Variants in FCGR2A observed in about 807,000 individuals in gnomAD.
FCGR2A encodes the protein Fc gamma receptor IIa.
FCGR2A carries 18 observed loss-of-function variants against 29.3 expected under a neutral mutation model. The observed-to-expected ratio is 0.62, with a 90% CI of 0.43 to 0.91. FCGR2A has a LOEUF of 0.91. FCGR2A is among the 40% of genes least tolerant of loss of function. The pLI, the probability that FCGR2A is intolerant of heterozygous loss-of-function variation, is 0.00. For synonymous variants in FCGR2A, 126 were observed against 144.8 expected (o/e 0.87, Z 0.93); for missense variants, 287 against 393.0 (o/e 0.73, Z 2.28).
intron 3 of FCGR2A, among the ~76,000 whole-genome samples, chr1:161,507,029 G>A (rs575116530): frequency 1.3e-5 from 2 of 152,336 alleles, no homozygotes; most frequent in South Asian, 2.1e-4. Flanking sequence ...TCTGGAAGAT[G>A]AGGTCAGAGG....
chr1:161,510,677 G>A (rs1557832236), intron 4 of FCGR2A, among the ~76,000 whole-genome samples, 157 bp from the exon 5 acceptor site: 1 of 152,196 alleles, frequency 6.6e-6, no homozygotes, highest in African/African-American at 2.4e-5. Flanking sequence ...CTGGGGATGT[G>A]GTGAATCTTG....
Position 161,506,508 on chromosome 1 carries a change from C to G in FCGR2A, c.281C>G (p.Ala94Gly). Residue 94 changes from alanine to glycine, a missense_variant, in exon 3 of 7, where the codon GCC becomes GGC. This residue lies in a region of FCGR2A where 181 missense variants were observed against 250.9 expected (regional missense o/e 0.72). Coordinates refer to ENST00000271450, the MANE Select transcript of FCGR2A (RefSeq NM_001136219.3). The part of the protein sequence containing the change: ...THTQPSYRFK[A>G]NNNDSGEYTC... Reference sequence around the variant, plus strand: ...ACGCAGCCCAGCTACAGGTTCAAGGCCAACAACAATGACAGCGGGGAGTAC... The same window carrying G: ...ACGCAGCCCAGCTACAGGTTCAAGGGCAACAACAATGACAGCGGGGAGTAC... 6 of 1,614,196 alleles carry G rather than the reference C, an allele frequency of 3.7e-6. No individual in the cohort carries two copies. The highest frequency in any genetic ancestry group is 5.1e-6 in the Non-Finnish European group (6 of 1,180,040).
rs76216087 is a variant in FCGR2A at position 161,517,583 on chromosome 1, G to A, written c.781-392G>A. 1.4e-4 allele frequency among the ~76,000 whole-genome samples: 21 copies of A among 152,288 alleles called. No individual in the cohort carries two copies. The East Asian group carries it at 4.0e-3, about 29-fold the overall frequency. On this transcript the variant is annotated intron_variant, in intron 6 of 6. Transcript: ENST00000271450. ...TGCCAATTGAAACTGGCCTGTTTGG[G>A]AAATTAGATTTTTAGGTTATTAGGT...
Position 161,505,535 on chromosome 1 carries a change from C to T in FCGR2A, c.68C>T (p.Thr23Ile). 2.5e-6 allele frequency: 4 copies of T among 1,614,034 alleles called. No individual in the cohort carries two copies. Among genetic ancestry groups the T allele is most frequent in the African/African-American group, 1.3e-5 (1 of 75,016 alleles). The stretch of plus-strand genomic sequence containing the variant: ...AACCTGTGGCTGCTTCAACCATTGA[C>T]AGTTTTGCTGCTGCTGGGTGAGTGA... ...PRNLWLLQPL[T>I]VLLLLASADS... The change falls in exon 1 of 7, where the codon ACA becomes ATA. Residue 23 changes from threonine to isoleucine, a missense_variant. By Grantham distance (89) the Thr-to-Ile change is moderately conservative. Around this residue, in one of 3 missense-constraint regions of FCGR2A, gnomAD observed 181 missense variants for 250.9 expected, o/e 0.72. Coordinates refer to ENST00000271450, the MANE Select transcript of FCGR2A (RefSeq NM_001136219.3).
intron 3 of FCGR2A, among the ~76,000 whole-genome samples, chr1:161,508,575 G>A (rs185092335): frequency 5.8e-5 from 8 of 136,924 alleles, no homozygotes; most frequent in African/African-American, 1.9e-4. Flanking sequence ...CAATAAGAGC[G>A]AAACTCCATC....
In FCGR2A at chr1:161,506,606, G is replaced by T; in HGVS notation, c.364+15G>T. ...TGTGCTTTCCGGTCAGTGGAGGAAG[G>T]CCCCAGGGTGGACCTGGGAGGGCCA... On this transcript the variant is annotated intron_variant, in intron 3 of 6. Transcript: ENST00000271450. The T allele has an allele frequency of 1.2e-6, 2 of 1,613,786 alleles. No homozygotes were observed. Among genetic ancestry groups the T allele is most frequent in the Non-Finnish European group, 1.7e-6 (2 of 1,179,676 alleles).
At position 161,513,991 on chromosome 1, in the gene FCGR2A, C is replaced by T. The variant is rs1299786351; in HGVS notation, c.780+59C>T. ...CCTTGTCCCTTCTCTCCTGTTTCCT[C>T]TCATTTTTGCCTTTGTTAATGCAAA... is the stretch of plus-strand genomic sequence containing the variant. On this transcript the variant is annotated intron_variant, in intron 6 of 6. Transcript: ENST00000271450. 5.0e-6 allele frequency: 8 copies of T among 1,613,002 alleles called. No individual in the cohort carries two copies. In the East Asian group the frequency reaches 1.8e-4, roughly 36 times the overall value.
rs1409750258 is a variant in FCGR2A at position 161,519,402 on chromosome 1, A to T, written c.*1254A>T. ...GAGAAACGCTTATGTTACAGGTTAC[A>T]TGAGAGCAATCATGTAAGTCTATAT... is the stretch of plus-strand genomic sequence containing the variant. On this transcript the variant is annotated 3_prime_UTR_variant, in exon 7 of 7. Coordinates refer to ENST00000271450, the MANE Select transcript of FCGR2A (RefSeq NM_001136219.3). 1 of 152,516 alleles carries T rather than the reference A, an allele frequency of 6.6e-6. No individual in the cohort carries two copies. Among genetic ancestry groups the T allele is most frequent in the Admixed American group, 6.5e-5 (1 of 15,276 alleles). The allele number at this position is 152,516 out of a possible 1,614,324, so 9.4% of individuals were successfully genotyped here. A position where few individuals can be genotyped will look rare whatever the true frequency, so the allele number is the denominator to read the frequency against.
downstream of FCGR2A, chr1:161,520,058 T>C (rs527784253): frequency 6.6e-6 from 1 of 152,106 alleles, no homozygotes; most frequent in Admixed American, 6.5e-5. Context: ...TTCTTGCATT[T>C]GAAAAGTAGC....
At position 161,510,916 on chromosome 1, in the gene FCGR2A, T is replaced by C. The variant is rs1344103478; in HGVS notation, c.702T>C (p.Ala234=). The C allele has an allele frequency of 6.2e-7, 1 of 1,614,110 alleles. No homozygotes were observed. Among genetic ancestry groups the C allele is most frequent in the Non-Finnish European group, 8.5e-7 (1 of 1,180,038 alleles). Residue 234 remains alanine (A), a synonymous_variant, in exon 5 of 7, where the codon GCT becomes GCC. Transcript: ENST00000271450. ...IATAVAAIVA[A]VVALIYCRKK... is the part of the protein sequence containing the mutation. Reference sequence around the variant, plus strand: ...CTGCTGTAGCAGCCATTGTTGCTGCTGTAGTGGCCTTGATCTACTGCAGGA... The same window carrying C: ...CTGCTGTAGCAGCCATTGTTGCTGCCGTAGTGGCCTTGATCTACTGCAGGA...
chr1:161,508,137 A>G (rs887255667), intron 3 of FCGR2A, among the ~76,000 whole-genome samples: 1 of 150,450 alleles, frequency 6.6e-6, no homozygotes. Context: ...ATTGTTAGAG[A>G]GAAACTACCT....
intron 1 of FCGR2A, 56 bp downstream of exon 1, chr1:161,505,608 T>C (rs1021634755): frequency 2.2e-6 from 3 of 1,384,516 alleles, no homozygotes; most frequent in Non-Finnish European, 3.1e-6. Context: ...CTGCCTGGAC[T>C]CCAGGTACCA....
chr1:161,508,649 G>A (rs1399909792), intron 3 of FCGR2A, among the ~76,000 whole-genome samples: 6 of 150,572 alleles, frequency 4.0e-5, no homozygotes, highest in East Asian at 1.9e-4. Flanking sequence ...AAATAAGATC[G>A]AATAAATTAT....
rs181816547 is a variant in FCGR2A, at chr1:161,510,662, T to C, written c.620-172T>C. On this transcript the variant is annotated intron_variant, in intron 4 of 6. Transcript: ENST00000271450. Reference sequence around the variant, plus strand: ...TCCAGCCACAGAAACCCTGTGCCAGTGAGGCTGGGGATGTGGTGAATCTTG... The same window carrying C: ...TCCAGCCACAGAAACCCTGTGCCAGCGAGGCTGGGGATGTGGTGAATCTTG... Among the ~76,000 whole-genome samples the C allele has an allele frequency of 4.4e-3, 664 of 152,270 alleles. 6 individuals are homozygous for C. The highest frequency in any genetic ancestry group is 0.015 in the African/African-American group (636 of 41,544).
At chr1:161,511,046 C>A in intron 5 of FCGR2A, 90 bp downstream of exon 5, 1 of 1,582,552 alleles carries the variant, frequency 6.3e-7, no homozygotes, top group Non-Finnish European at 8.7e-7. Context: ...GCTCTTAGGG[C>A]TAGATATGCA....
intron 6 of FCGR2A, among the ~76,000 whole-genome samples, chr1:161,515,961 T>C (rs1185399279): frequency 1.3e-5 from 2 of 152,144 alleles, no homozygotes; most frequent in Non-Finnish European, 2.9e-5. Flanking sequence ...AATAAGCACT[T>C]ATATAAATTA....
intron 1 of FCGR2A, 162 bp from the exon 2 acceptor site, chr1:161,505,825 T>C (rs1431417402): frequency 1.3e-6 from 1 of 763,440 alleles, no homozygotes. Flanking sequence ...AGGGGACATA[T>C]GAAGTGAATA....
intron 4 of FCGR2A, 103 bp from the exon 5 acceptor site, chr1:161,510,731 C>A: frequency 6.9e-7 from 1 of 1,445,980 alleles, no homozygotes; most frequent in Non-Finnish European, 9.5e-7. Context: ...AGGTGACAAG[C>A]ACTGGGACAT....
At chr1:161,511,970 G>A (rs561000125) in intron 5 of FCGR2A, among the ~76,000 whole-genome samples, 19 of 152,160 alleles carry the variant, frequency 1.2e-4, no homozygotes, top group African/African-American at 4.6e-4. Flanking sequence ...AAATCGCTTG[G>A]TCAACTCTGA....
Sources: allele counts gnomAD v4.1 joint callset (sites outside exome capture counted in the v4.1 genomes callset), GRCh38; gene constraint gnomAD v4.1.1; regional missense constraint gnomAD v4.1.1; transcripts MANE v1.5; gene names NCBI Gene and HGNC (gene_info 2026-07-23, HGNC 2026-07-21).